Variants in KCNQ1 observed in about 807,000 individuals in gnomAD.
The protein encoded by KCNQ1 is potassium voltage-gated channel subfamily KQT member 1.
A neutral mutation model predicts 72.4 loss-of-function variants in KCNQ1; 49 were observed. That is an observed-to-expected ratio of 0.68 (90% CI 0.54 to 0.86). KCNQ1 has a LOEUF of 0.86. Among genes scored for constraint, KCNQ1 ranks in the 40% least tolerant of loss-of-function variants. KCNQ1 has a pLI of 0.00. For missense variants in KCNQ1, 790 were observed against 945.1 expected (o/e 0.84, Z 2.15); for synonymous variants, 450 against 412.6 (o/e 1.09, Z -1.10).
rs1346690275 is a variant in KCNQ1, at chr11:2,735,049, C to G, written c.1515-33795C>G. On this transcript the variant is annotated intron_variant, in intron 11 of 15. Coordinates refer to ENST00000155840, the MANE Select transcript of KCNQ1 (RefSeq NM_000218.3). This position sits in a 1 kb window ranked among gnomAD's most constrained non-coding sequence, Gnocchi z 7.7. ...GGCACACTAACAAGAGGCACATGTGCCAGGGAAGCCCTGCCTTGTCATCAC... is the reference window on the plus strand; with the variant it reads ...GGCACACTAACAAGAGGCACATGTGGCAGGGAAGCCCTGCCTTGTCATCAC... Among the ~76,000 whole-genome samples the G allele has an allele frequency of 6.6e-6, 1 of 152,148 alleles. No individual in the cohort carries two copies. Among genetic ancestry groups the G allele is most frequent in the Non-Finnish European group, 1.5e-5 (1 of 68,014 alleles).
intron 1 of KCNQ1, among the ~76,000 whole-genome samples, chr11:2,506,153 A>T (rs1318444692): frequency 6.6e-6 from 1 of 152,060 alleles, no homozygotes; most frequent in Non-Finnish European, 1.5e-5. Flanking sequence ...TCATCCTCAA[A>T]TCCAAAGTCT....
In KCNQ1 at chr11:2,517,238, T is replaced by C. The variant is rs1294319842; in HGVS notation, c.387-10690T>C. Among the ~76,000 whole-genome samples, 6 of 152,234 alleles carry C rather than the reference T, an allele frequency of 3.9e-5. No individual in the cohort carries two copies. In the East Asian group the frequency reaches 1.2e-3, roughly 29 times the overall value. ...CATCAGTCCCCACCCTGCAGGGCCG[T>C]TGAAGAGGGAATGCACACCTGTCAC... is the stretch of plus-strand genomic sequence containing the variant. On this transcript the variant is annotated intron_variant, in intron 1 of 15. Transcript: ENST00000155840.
chr11:2,485,429 G>A (rs755911546), intron 1 of KCNQ1, among the ~76,000 whole-genome samples: 5 of 140,322 alleles, frequency 3.6e-5, no homozygotes, highest in African/African-American at 8.0e-5. Flanking sequence ...CAGGCCTCTC[G>A]CACAGATGAG....
At chr11:2,778,605 A>T (rs1352805006) in intron 15 of KCNQ1, among the ~76,000 whole-genome samples, 1 of 151,296 alleles carries the variant, frequency 6.6e-6, no homozygotes, top group Admixed American at 6.6e-5. Flanking sequence ...CCTCTCCCCC[A>T]GGCACCCTGG....
chr11:2,589,300 G>A (rs1170530688), intron 10 of KCNQ1, among the ~76,000 whole-genome samples: 3 of 152,122 alleles, frequency 2.0e-5, no homozygotes, highest in Non-Finnish European at 4.4e-5. Flanking sequence ...AACGTGGGGG[G>A]CCTGACGGGA....
chr11:2,657,252 A>G lies in KCNQ1; in HGVS notation c.1394-4709A>G. The G allele has an allele frequency of 2.5e-6, 1 of 398,640 alleles. No homozygotes were observed. The highest frequency in any genetic ancestry group is 2.1e-5 in the African/African-American group (1 of 48,752). The allele number at this position is 398,640 out of a possible 1,614,324, so 24.7% of individuals were successfully genotyped here. A position where few individuals can be genotyped will look rare whatever the true frequency, so the allele number is the denominator to read the frequency against. ...AGAATCAGCTTGCCAAAGTTCTCAC[A>G]CAGAAGCCTTGAGATTTTTATTAAG... On this transcript the variant is annotated intron_variant, in intron 10 of 15. Transcript: ENST00000155840. This position sits in a 1 kb window ranked among gnomAD's most constrained non-coding sequence, Gnocchi z 4.8.
chr11:2,583,151 C>A (rs1246669749), intron 6 of KCNQ1, among the ~76,000 whole-genome samples: 2 of 152,082 alleles, frequency 1.3e-5, no homozygotes, highest in Non-Finnish European at 2.9e-5. Flanking sequence ...GGGGCGAGCT[C>A]CCAGGCCCAC....
intron 11 of KCNQ1, among the ~76,000 whole-genome samples, chr11:2,705,019 G>A (rs990176943): frequency 2.0e-5 from 3 of 152,102 alleles, no homozygotes; most frequent in African/African-American, 7.2e-5. Context: ...AGCTACCCAA[G>A]GCCCAGGGAG....
chr11:2,653,179 A>G lies in KCNQ1; in HGVS notation c.1394-8782A>G. ...TCCCACCTTAGGAAATCCCTTTCCA[A>G]GAGTTCCCTGTGCTGTTGCAGGGCT... On this transcript the variant is annotated intron_variant, in intron 10 of 15. Coordinates refer to ENST00000155840, the MANE Select transcript of KCNQ1 (RefSeq NM_000218.3). This position sits in a 1 kb window ranked among gnomAD's most constrained non-coding sequence, Gnocchi z 5.3. 1 of 398,724 alleles carries G rather than the reference A, an allele frequency of 2.5e-6. No individual in the cohort carries two copies. The highest frequency in any genetic ancestry group is 4.4e-6 in the Non-Finnish European group (1 of 226,118). 24.7% of individuals were successfully genotyped at this position (398,724 alleles called of 1,614,324 possible). A position where few individuals can be genotyped will look rare whatever the true frequency, so the allele number is the denominator to read the frequency against.
At chr11:2,539,999 C>G (rs758239769) in intron 2 of KCNQ1, among the ~76,000 whole-genome samples, 1 of 152,164 alleles carries the variant, frequency 6.6e-6, no homozygotes, top group African/African-American at 2.4e-5. Context: ...CTGAGCAGGC[C>G]GGGCGCAGGC....
At chr11:2,771,170 G>T (rs1191242631) in intron 12 of KCNQ1, among the ~76,000 whole-genome samples, 6 of 152,384 alleles carry the variant, frequency 3.9e-5, no homozygotes, top group Middle Eastern at 3.4e-3. Flanking sequence ...CTGCTTCCAA[G>T]GTCTGGGGGA....
In KCNQ1 at chr11:2,471,203, C is replaced by T. The variant is rs555334718; in HGVS notation, c.386+25719C>T. On this transcript the variant is annotated intron_variant, in intron 1 of 15. Transcript: ENST00000155840. The surrounding 1 kb of genome is among the most constrained non-coding windows in gnomAD (Gnocchi z 4.8). ...ATCATCCTGCAGCCAGACTCGGGGACCTAGGACTCTGAACCTCCAACTGGT... is the reference window on the plus strand; with the variant it reads ...ATCATCCTGCAGCCAGACTCGGGGATCTAGGACTCTGAACCTCCAACTGGT... Among the ~76,000 whole-genome samples the T allele has an allele frequency of 2.0e-5, 3 of 152,220 alleles. No homozygotes were observed. The highest frequency in any genetic ancestry group is 6.5e-5 in the Admixed American group (1 of 15,288).
chr11:2,532,954 C>T (rs554776877), intron 2 of KCNQ1, among the ~76,000 whole-genome samples: 3 of 152,292 alleles, frequency 2.0e-5, no homozygotes, highest in African/African-American at 7.2e-5. Context: ...GGCCTGTAGA[C>T]GCCAGAGGGC....
rs566816578 is a variant in KCNQ1, at chr11:2,493,168, T to C, written c.387-34760T>C. 6.6e-6 allele frequency among the ~76,000 whole-genome samples: 1 copy of C among 152,354 alleles called. No homozygotes were observed. Among genetic ancestry groups the C allele is most frequent in the East Asian group, 1.9e-4 (1 of 5,184 alleles). On this transcript the variant is annotated intron_variant, in intron 1 of 15. Transcript: ENST00000155840. The surrounding 1 kb of genome is among the most constrained non-coding windows in gnomAD (Gnocchi z 5.3). ...CACATAAATGTCTTCTTTTGAGAAGTATCTGTTCGTATCCTTTACCCACTT... is the reference window on the plus strand; with the variant it reads ...CACATAAATGTCTTCTTTTGAGAAGCATCTGTTCGTATCCTTTACCCACTT...
intron 11 of KCNQ1, among the ~76,000 whole-genome samples, chr11:2,739,937 TG>T (rs1280419760): frequency 6.6e-6 from 1 of 152,192 alleles, no homozygotes; most frequent in Non-Finnish European, 1.5e-5. Context: ...GGCTGAGGCC[TG>T]GGTGTGCAGG....
rs1422168610 is a variant in KCNQ1 at position 2,608,590 on chromosome 11, C to T, written c.1393+19736C>T. On this transcript the variant is annotated intron_variant, in intron 10 of 15. Transcript: ENST00000155840. This position sits in a 1 kb window ranked among gnomAD's most constrained non-coding sequence, Gnocchi z 4.6. ...TCCTAGTCTCAAGTGATCCTTGCCC[C>T]TTAGCCTATGACAGGTGTGCACCAC... is the stretch of plus-strand genomic sequence containing the variant. The T allele has an allele frequency of 7.5e-6, 3 of 398,458 alleles. No individual in the cohort carries two copies. The highest frequency in any genetic ancestry group is 4.1e-5 in the African/African-American group (2 of 48,590). The allele number at this position is 398,458 out of a possible 1,614,324, so 24.7% of individuals were successfully genotyped here. A position where few individuals can be genotyped will look rare whatever the true frequency, so the allele number is the denominator to read the frequency against.
At chr11:2,709,896 CTT>C (rs995360241) in intron 11 of KCNQ1, among the ~76,000 whole-genome samples, 1 of 152,164 alleles carries the variant, frequency 6.6e-6, no homozygotes, top group Non-Finnish European at 1.5e-5. Flanking sequence ...TCATTGAACA[CTT>C]GGGCCATTTT....
rs1656420269 is a variant in KCNQ1, at chr11:2,675,908, C to T, written c.1514+13827C>T. ...CTTTATGTATTCAAGGGTTGTGCTA[C>T]AAAAATCATACAACAGTCTTTACAC... On this transcript the variant is annotated intron_variant, in intron 11 of 15. Coordinates refer to ENST00000155840, the MANE Select transcript of KCNQ1 (RefSeq NM_000218.3). 4 of 398,562 alleles carry T rather than the reference C, an allele frequency of 1.0e-5. No homozygotes were observed. The East Asian group carries it at 1.1e-4, about 11-fold the overall frequency. 24.7% of individuals were successfully genotyped at this position (398,562 alleles called of 1,614,324 possible).
chr11:2,495,583 T>A lies in KCNQ1; in HGVS notation c.387-32345T>A, dbSNP rs1160950474. Among the ~76,000 whole-genome samples the A allele has an allele frequency of 6.6e-6, 1 of 152,250 alleles. No individual in the cohort carries two copies. The highest frequency in any genetic ancestry group is 1.5e-5 in the Non-Finnish European group (1 of 68,046). ...AAGAATTTCTTTATTTCTGCCTTGA[T>A]TTTGTTATTTACTCAGTAGTCATTC... On this transcript the variant is annotated intron_variant, in intron 1 of 15. Transcript: ENST00000155840. The surrounding 1 kb of genome is among the most constrained non-coding windows in gnomAD (Gnocchi z 4.6).
Sources: allele counts gnomAD v4.1 joint callset (sites outside exome capture counted in the v4.1 genomes callset), GRCh38; gene constraint gnomAD v4.1.1; non-coding constraint Gnocchi (gnomAD v3.1); transcripts MANE v1.5; gene names NCBI Gene and HGNC (gene_info 2026-07-23, HGNC 2026-07-21).